The following ROBO2 variants were observed in gnomAD, a reference collection of about 807,000 sequenced individuals.
ROBO2 encodes the protein roundabout homolog 2.
ROBO2 carries 53 observed loss-of-function variants against 160.8 expected under a neutral mutation model. The ratio of observed to expected loss-of-function variants is 0.33; its 90% CI spans 0.26 to 0.41. The LOEUF is 0.41. ROBO2 is among the 10% of genes least tolerant of loss of function. The pLI, the probability that ROBO2 is intolerant of heterozygous loss-of-function variation, is 1.00. For missense variants in ROBO2, 1,577 were observed against 1,722.4 expected, an observed-to-expected ratio of 0.92 and a Z score of 1.49; for synonymous variants, 664 against 611.7, an observed-to-expected ratio of 1.09 and a Z score of -1.26.
At chr3:76,719,644 G>T (rs1027266172) in intron 2 of ROBO2, among the ~76,000 whole-genome samples, 2 of 152,192 alleles carry the variant, frequency 1.3e-5, no homozygotes, top group Admixed American at 1.3e-4. Context: ...AGCACTTTGG[G>T]AGGCCGAGGC....
In ROBO2 at chr3:77,026,172, G is replaced by A. The variant is rs559576409; in HGVS notation, c.110-71842G>A. 1.6e-4 allele frequency among the ~76,000 whole-genome samples: 25 copies of A among 152,184 alleles called. No individual in the cohort carries two copies. In the South Asian group the frequency reaches 4.2e-3, roughly 25 times the overall value. ...TTTTTAATGATATAACTCCAACTCC[G>A]TGGAATCCTTGTAGACCCCTTAATA... On this transcript the variant is annotated intron_variant, in intron 2 of 26. Transcript: ENST00000487694.
chr3:76,491,823 G>A (rs1218553935), intron 2 of ROBO2, among the ~76,000 whole-genome samples: 1 of 152,048 alleles, frequency 6.6e-6, no homozygotes, highest in Non-Finnish European at 1.5e-5. Flanking sequence ...AGCCAGGTGC[G>A]GTGGCCCACG....
intron 2 of ROBO2, among the ~76,000 whole-genome samples, chr3:77,434,550 T>A (rs2079097031): frequency 6.6e-6 from 1 of 152,138 alleles, no homozygotes; most frequent in African/African-American, 2.4e-5. Flanking sequence ...GTTAGATATT[T>A]ATTGTTGTCA....
intron 2 of ROBO2, among the ~76,000 whole-genome samples, chr3:76,090,983 C>T (rs182061933): frequency 1.3e-5 from 2 of 152,276 alleles, no homozygotes; most frequent in East Asian, 1.9e-4. Flanking sequence ...GATGTTAAAA[C>T]ACAAAACTAC....
At chr3:76,208,779 A>G (rs1450756921) in intron 2 of ROBO2, among the ~76,000 whole-genome samples, 1 of 152,046 alleles carries the variant, frequency 6.6e-6, no homozygotes, top group Non-Finnish European at 1.5e-5. Context: ...CCTATGTTGT[A>G]TAATCCCCGG....
chr3:76,948,908 A>ATATATATT (rs1209284372), intron 2 of ROBO2, among the ~76,000 whole-genome samples: 1 of 24,968 alleles, frequency 4.0e-5, no homozygotes, highest in African/African-American at 1.8e-4. Context: ...ATATATATAT[A>ATATATATT]TTTTTTTTTT....
At chr3:77,196,387 A>G (rs1487689348) in intron 2 of ROBO2, among the ~76,000 whole-genome samples, 1 of 150,722 alleles carries the variant, frequency 6.6e-6, no homozygotes, top group Admixed American at 6.6e-5. Flanking sequence ...GCAAACCCAG[A>G]TCTCTTTGGA....
At chr3:76,783,011 T>A (rs897059844) in intron 2 of ROBO2, among the ~76,000 whole-genome samples, 1 of 150,878 alleles carries the variant, frequency 6.6e-6, no homozygotes, top group African/African-American at 2.4e-5. Context: ...CTTGTGTGCT[T>A]TGATTTATTT....
intron 2 of ROBO2, among the ~76,000 whole-genome samples, chr3:76,801,751 T>C (rs2064216500): frequency 6.6e-6 from 1 of 152,138 alleles, no homozygotes; most frequent in South Asian, 2.1e-4. Context: ...AACTTTGCCA[T>C]TAGGTGCGAG....
chr3:76,801,417 A>G (rs923868195), intron 2 of ROBO2, among the ~76,000 whole-genome samples: 6 of 152,154 alleles, frequency 3.9e-5, no homozygotes, highest in Non-Finnish European at 7.4e-5. Flanking sequence ...AGGGAGTACA[A>G]TTGGATTATT....
At chr3:77,632,496 C>A (rs1348321731) in intron 23 of ROBO2, 9 of 1,534,118 alleles carry the variant, frequency 5.9e-6, no homozygotes, top group Non-Finnish European at 7.9e-6. Flanking sequence ...ATGGATGGGG[C>A]TCTGCATCTG....
intron 2 of ROBO2, among the ~76,000 whole-genome samples, chr3:77,412,936 G>T (rs2076918458): frequency 6.6e-6 from 1 of 152,148 alleles, no homozygotes; most frequent in Non-Finnish European, 1.5e-5. Context: ...CTTAATAAGG[G>T]CTGGGCACAG....
At chr3:76,446,358 G>C (rs560229506) in intron 2 of ROBO2, among the ~76,000 whole-genome samples, 2 of 152,304 alleles carry the variant, frequency 1.3e-5, no homozygotes, top group Admixed American at 6.5e-5. Context: ...TCTTCAAGGA[G>C]AACTACAAAT....
At chr3:77,473,004 A>G (rs754070070) in intron 2 of ROBO2, among the ~76,000 whole-genome samples, 1 of 152,016 alleles carries the variant, frequency 6.6e-6, no homozygotes, top group Non-Finnish European at 1.5e-5. Context: ...TGAGTTTAAG[A>G]ACAGAGGTTT....
intron 2 of ROBO2, among the ~76,000 whole-genome samples, chr3:76,804,040 A>T (rs1407548923): frequency 6.6e-6 from 1 of 152,232 alleles, no homozygotes; most frequent in African/African-American, 2.4e-5. Context: ...CGGAAATTTC[A>T]TAGTCACTTT....
chr3:76,872,110 A>G (rs2148684688), intron 2 of ROBO2, among the ~76,000 whole-genome samples: 1 of 152,264 alleles, frequency 6.6e-6, no homozygotes, highest in East Asian at 1.9e-4. Context: ...TACAAAGATG[A>G]TCTCTCTTAA....
chr3:76,243,641 A>G (rs1337136040), intron 2 of ROBO2, among the ~76,000 whole-genome samples: 1 of 152,190 alleles, frequency 6.6e-6, no homozygotes, highest in Non-Finnish European at 1.5e-5. Flanking sequence ...GTAGCAGAAG[A>G]CAGCACTTGC....
At chr3:75,986,709 A>C (rs1385263429) in intron 2 of ROBO2, among the ~76,000 whole-genome samples, 1 of 151,430 alleles carries the variant, frequency 6.6e-6, no homozygotes, top group Non-Finnish European at 1.5e-5. Flanking sequence ...ATTAATTTTG[A>C]GTCAATTTTT....
At position 77,512,837 on chromosome 3, in the gene ROBO2, A is replaced by G. The variant is rs189450739; in HGVS notation, c.807-9938A>G. Among the ~76,000 whole-genome samples, 101 of 152,032 alleles carry G rather than the reference A, an allele frequency of 6.6e-4. 1 individual carries two copies. The highest frequency in any genetic ancestry group is 2.2e-3 in the African/African-American group (93 of 41,514). On this transcript the variant is annotated intron_variant, in intron 5 of 25. Transcript: ENST00000461745. ...TCTCCTTAAAGGGAAAGAAACATTT[A>G]CTCATATAGACATTAAATGTTTCCT...
Sources: gnomAD v4.1 joint callset for allele counts (sites outside exome capture counted in the v4.1 genomes callset) on GRCh38, gnomAD v4.1.1 for gene constraint, MANE v1.5 for transcripts, NCBI Gene and HGNC (gene_info 2026-07-23, HGNC 2026-07-21) for gene names.